Variants in EDIL3 observed in about 807,000 individuals in gnomAD.
The protein encoded by EDIL3 is EGF like and discoidin domains 3, also known as EGF-like repeat and discoidin I-like domain-containing protein 3.
EDIL3 carries 37 observed loss-of-function variants against 67.4 expected under a neutral mutation model. The observed-to-expected ratio is 0.55, with a 90% confidence interval of 0.42 to 0.72. The LOEUF is 0.72. Ranked by LOEUF, EDIL3 falls within the 30% of genes least tolerant of loss-of-function variation. The probability of loss-of-function intolerance (pLI) is 0.00; values close to 1 mark genes in which losing one functional copy is unlikely to be tolerated. For synonymous variants in EDIL3, 195 were observed against 196.3 expected (o/e 0.99, Z 0.05); for missense variants, 527 against 586.3 (o/e 0.90, Z 1.04).
chr5:84,050,573 G>A (rs1469933691), intron 9 of EDIL3, among the ~76,000 whole-genome samples: 1 of 152,208 alleles, frequency 6.6e-6, no homozygotes, highest in African/African-American at 2.4e-5. Flanking sequence ...GCCAAGCAAA[G>A]CTGTGACAGA....
chr5:84,125,491 G>A (rs1747853502), intron 5 of EDIL3, among the ~76,000 whole-genome samples: 1 of 151,992 alleles, frequency 6.6e-6, no homozygotes, highest in Non-Finnish European at 1.5e-5. Flanking sequence ...ATATGTCCGG[G>A]AAGCATACAC....
intron 1 of EDIL3, among the ~76,000 whole-genome samples, chr5:84,265,897 C>T (rs1051298557): frequency 6.6e-6 from 1 of 152,190 alleles, no homozygotes; most frequent in African/African-American, 2.4e-5. Context: ...TGTTTTGCCA[C>T]TTTCTTGGTT....
intron 3 of EDIL3, among the ~76,000 whole-genome samples, chr5:84,199,823 G>T (rs745850713): frequency 2.6e-5 from 4 of 151,976 alleles, no homozygotes; most frequent in African/African-American, 9.7e-5. Context: ...ACTCAGCTGC[G>T]TTTAAAGCTC....
chr5:84,048,157 T>C (rs1003706970), intron 9 of EDIL3: 1 of 377,374 alleles, frequency 2.6e-6, no homozygotes, highest in Non-Finnish European at 5.2e-6. Context: ...AGGTGAACCT[T>C]CATAAATGAG....
intron 4 of EDIL3, among the ~76,000 whole-genome samples, chr5:84,164,608 G>A (rs140333013): frequency 5.3e-5 from 8 of 152,102 alleles, no homozygotes; most frequent in East Asian, 1.9e-4. Context: ...GTTCTCTAGC[G>A]TTCTGCTTTG....
At chr5:84,282,776 T>C (rs1285509588) in intron 1 of EDIL3, among the ~76,000 whole-genome samples, 1 of 152,240 alleles carries the variant, frequency 6.6e-6, no homozygotes, top group Non-Finnish European at 1.5e-5. Context: ...ATGAGTATAG[T>C]ATCATATCAA....
At chr5:84,019,711 T>C (rs941770176) in intron 9 of EDIL3, among the ~76,000 whole-genome samples, 30 of 152,062 alleles carry the variant, frequency 2.0e-4, no homozygotes, top group Admixed American at 3.9e-4. Context: ...ACACAGGTTA[T>C]TTAACATATT....
chr5:84,095,159 G>A (rs1182311109), intron 6 of EDIL3, among the ~76,000 whole-genome samples: 2 of 152,202 alleles, frequency 1.3e-5, no homozygotes, highest in East Asian at 3.9e-4. Flanking sequence ...ATAAGGAGAC[G>A]AGACATATTT....
rs375465761 is a variant in EDIL3, at chr5:84,332,741, A to T, written c.67+51567T>A. Among the ~76,000 whole-genome samples the T allele has an allele frequency of 2.0e-5, 3 of 152,314 alleles. No individual in the cohort carries two copies. In the East Asian group the frequency reaches 5.8e-4, roughly 29 times the overall value. ...TTCTTCTTACTTCTGGCTGTGAATTAGCAAATCAGTGTCTTATATTTAAGG... is the reference window on the plus strand; with the variant it reads ...TTCTTCTTACTTCTGGCTGTGAATTTGCAAATCAGTGTCTTATATTTAAGG... On this transcript the variant is annotated intron_variant, in intron 1 of 10. Coordinates refer to ENST00000296591, the MANE Select transcript of EDIL3 (RefSeq NM_005711.5).
intron 1 of EDIL3, among the ~76,000 whole-genome samples, chr5:84,344,149 C>G (rs1238572954): frequency 6.6e-6 from 1 of 152,074 alleles, no homozygotes; most frequent in African/African-American, 2.4e-5. Flanking sequence ...AGTATAGACA[C>G]AAAGTTTGCA....
chr5:84,085,243 AGAG>A (rs1400926375), intron 6 of EDIL3, among the ~76,000 whole-genome samples: 2 of 152,166 alleles, frequency 1.3e-5, no homozygotes, highest in Non-Finnish European at 2.9e-5. Flanking sequence ...GTGATCATTT[AGAG>A]GAGAAGAGGC....
chr5:84,020,498 C>T (rs1352297716), intron 9 of EDIL3, among the ~76,000 whole-genome samples: 1 of 152,004 alleles, frequency 6.6e-6, no homozygotes, highest in Admixed American at 6.6e-5. Context: ...CCTTTATTGA[C>T]TACTTAATAA....
intron 1 of EDIL3, among the ~76,000 whole-genome samples, chr5:84,341,572 G>T (rs1747116612): frequency 6.6e-6 from 1 of 151,988 alleles, no homozygotes; most frequent in Admixed American, 6.6e-5. Context: ...TGCTTGCATT[G>T]CCCATGTAAT....
At chr5:84,041,147 AC>A (rs1177949700) in intron 9 of EDIL3, among the ~76,000 whole-genome samples, 5 of 149,296 alleles carry the variant, frequency 3.3e-5, no homozygotes, top group African/African-American at 1.2e-4. Context: ...AAAAAAAAAA[AC>A]ACAAAACAAA....
At chr5:84,042,896 A>T (rs1746158286) in intron 9 of EDIL3, among the ~76,000 whole-genome samples, 1 of 152,208 alleles carries the variant, frequency 6.6e-6, no homozygotes, top group Non-Finnish European at 1.5e-5. Context: ...TTCTACATTA[A>T]AGTTTAATGT....
At chr5:84,143,787 C>T (rs1052204612) in intron 4 of EDIL3, among the ~76,000 whole-genome samples, 1 of 151,800 alleles carries the variant, frequency 6.6e-6, no homozygotes. Flanking sequence ...AGAACAGATG[C>T]CTCTTTCAGT....
intron 4 of EDIL3, among the ~76,000 whole-genome samples, chr5:84,155,188 C>T (rs1227937026): frequency 6.6e-6 from 1 of 152,056 alleles, no homozygotes; most frequent in Non-Finnish European, 1.5e-5. Context: ...GTAAGTATAA[C>T]ATTATTTTGA....
At chr5:83,955,697 C>T (rs894745187) in intron 10 of EDIL3, among the ~76,000 whole-genome samples, 4 of 151,702 alleles carry the variant, frequency 2.6e-5, no homozygotes, top group Non-Finnish European at 4.4e-5. Context: ...TCCTTGCCCC[C>T]AACCCACCCT....
intron 1 of EDIL3, among the ~76,000 whole-genome samples, chr5:84,275,766 T>C (rs1745572900): frequency 6.6e-6 from 1 of 152,206 alleles, no homozygotes; most frequent in Non-Finnish European, 1.5e-5. Context: ...TTGCAACAAG[T>C]AGGCAACCAT....
Sources: allele counts gnomAD v4.1 joint callset (sites outside exome capture counted in the v4.1 genomes callset), GRCh38; gene constraint gnomAD v4.1.1; transcripts MANE v1.5; gene names NCBI Gene and HGNC (gene_info 2026-07-23, HGNC 2026-07-21).